PLEKHG4B: variants seen among roughly 807,000 people sequenced by gnomAD.
PLEKHG4B encodes pleckstrin homology and RhoGEF domain containing G4B.
A neutral mutation model predicts 121.3 loss-of-function variants in PLEKHG4B; 111 were observed. That is an observed-to-expected ratio of 0.92 (90% CI 0.78 to 1.07). PLEKHG4B has a LOEUF of 1.07. PLEKHG4B is among the 50% of genes least tolerant of loss of function. The pLI is 0.00. For synonymous variants in PLEKHG4B, 738 were observed against 725.0 expected, an observed-to-expected ratio of 1.02 and a Z score of -0.29; for missense variants, 1,831 against 1,757.8, an observed-to-expected ratio of 1.04 and a Z score of -0.74.
intron 1 of PLEKHG4B, among the ~76,000 whole-genome samples, chr5:98,627 G>T (rs1320378264): frequency 6.9e-6 from 1 of 145,980 alleles, no homozygotes; most frequent in Non-Finnish European, 1.5e-5. Flanking sequence ...GTGTGTGTGT[G>T]TGTGTGTGTG....
chr5:143,381 G>T lies in PLEKHG4B; in HGVS notation c.1689G>T (p.Gly563=). 6.2e-7 allele frequency: 1 copy of T among 1,612,264 alleles called. No homozygotes were observed. The highest frequency in any genetic ancestry group is 8.5e-7 in the Non-Finnish European group (1 of 1,179,720). Residue 563 remains glycine (G), a splice_region_variant and synonymous_variant, in exon 5 of 20, where the codon GGG becomes GGT. Transcript: ENST00000637938. The stretch of plus-strand genomic sequence containing the variant: ...GCTGCCCTGTCTCTGTCTCCGCAGG[G>T]ACCCGAGACCGTCATGGCAGAGCAG... ...LLQSGVVTLP[G]TRDRHGRAVV...
intron 3 of PLEKHG4B, among the ~76,000 whole-genome samples, chr5:142,198 A>G (rs1323448890): frequency 1.3e-5 from 2 of 152,100 alleles, no homozygotes. Context: ...AAGAAGTCCT[A>G]ACCCCTCCCC....
intron 2 of PLEKHG4B, among the ~76,000 whole-genome samples, chr5:122,435 T>C (rs2126370258): frequency 6.8e-6 from 1 of 147,546 alleles, no homozygotes; most frequent in East Asian, 1.9e-4. Flanking sequence ...ATTTATTTAT[T>C]TTTAGATGGA....
In PLEKHG4B at chr5:140,455, G is replaced by A. The variant is rs534089227; in HGVS notation, c.1216G>A (p.Gly406Arg). Residue 406 changes from glycine (G) to arginine (R), a missense_variant, in exon 3 of 20, where the codon GGA becomes AGA. By Grantham distance (125) the Gly-to-Arg change is moderately radical. Transcript: ENST00000637938. ...GTQEETSGPRGDPQQTPSLEK... is the reference protein window; with the variant it reads ...GTQEETSGPRRDPQQTPSLEK... ...CCAGGAGGAAACCTCTGGCCCCCGG[G>A]GAGACCCCCAACAGACCCCAAGTCT... is the stretch of plus-strand genomic sequence containing the variant. The A allele has an allele frequency of 1.4e-5, 22 of 1,584,626 alleles. No individual in the cohort carries two copies. In the East Asian group the frequency reaches 3.2e-4, roughly 23 times the overall value.
chr5:142,449 A>G (rs1424482209), intron 3 of PLEKHG4B, among the ~76,000 whole-genome samples: 1 of 151,958 alleles, frequency 6.6e-6, no homozygotes, highest in African/African-American at 2.4e-5. Context: ...CACCAGTCAC[A>G]TGCTTCACAC....
In PLEKHG4B at chr5:140,477, G is replaced by A. The variant is rs1020626909; in HGVS notation, c.1238G>A (p.Ser413Asn). Residue 413 changes from serine (S) to asparagine (N), a missense_variant, in exon 3 of 20, where the codon AGT (serine) becomes AAT (asparagine). By Grantham distance (46) the Ser-to-Asn change is conservative. Transcript: ENST00000637938. Reference protein sequence around the residue: ...GPRGDPQQTPSLEKERHTPSR... With the variant: ...GPRGDPQQTPNLEKERHTPSR... ...CGGGGAGACCCCCAACAGACCCCAA[G>A]TCTAGAGAAGGAGAGGCACACACCC... 1 of 1,593,110 alleles carries A rather than the reference G, an allele frequency of 6.3e-7. No homozygotes were observed. The highest frequency in any genetic ancestry group is 8.5e-7 in the Non-Finnish European group (1 of 1,170,242).
In PLEKHG4B at chr5:137,132, G is replaced by A. The variant is rs909042044; in HGVS notation, c.244-2351G>A. Among the ~76,000 whole-genome samples, 15 of 152,236 alleles carry A rather than the reference G, an allele frequency of 9.9e-5. No individual in the cohort carries two copies. The highest frequency in any genetic ancestry group is 2.1e-4 in the Non-Finnish European group (14 of 68,040). On this transcript the variant is annotated intron_variant, in intron 2 of 19. Transcript: ENST00000637938. The surrounding 1 kb of genome is among the most constrained non-coding windows in gnomAD (Gnocchi z 4.2). ...GCCACATGTGGCATGGATAGACCTT[G>A]AGGATACTGTGCCAATGGATAGGAG...
intron 1 of PLEKHG4B, among the ~76,000 whole-genome samples, chr5:106,671 TC>T (rs1196473767): frequency 6.6e-6 from 1 of 152,130 alleles, no homozygotes; most frequent in African/African-American, 2.4e-5. Context: ...TACGAGTGGC[TC>T]CCCCTGCAGC....
rs1177916925 is a variant in PLEKHG4B, at chr5:163,054, C to T, written c.2982C>T (p.Pro994=). The change falls in exon 13 of 20, where the codon CCC becomes CCT. Residue 994 remains proline (P), a synonymous_variant. Coordinates refer to ENST00000637938, the MANE Select transcript of PLEKHG4B (RefSeq NM_052909.5). ...MRRHQKPPSF[P]STDSGGGAWE... is the part of the protein sequence containing the mutation. ...GGCACCAGAAGCCACCCTCATTCCCCAGCACGGACAGTGGGGGTGGTGCCT... is the reference window on the plus strand; with the variant it reads ...GGCACCAGAAGCCACCCTCATTCCCTAGCACGGACAGTGGGGGTGGTGCCT... The T allele has an allele frequency of 9.0e-6, 14 of 1,559,606 alleles. No individual in the cohort carries two copies. The highest frequency in any genetic ancestry group is 1.2e-5 in the South Asian group (1 of 85,182).
intron 2 of PLEKHG4B, among the ~76,000 whole-genome samples, chr5:129,169 G>C (rs897045359): frequency 6.6e-6 from 1 of 152,142 alleles, no homozygotes; most frequent in African/African-American, 2.4e-5. Context: ...TCCCTTTCTA[G>C]GTCTTCTCCT....
At position 182,366 on chromosome 5, in the gene PLEKHG4B, A is replaced by T; in HGVS notation, c.*43A>T. On this transcript the variant is annotated 3_prime_UTR_variant, in exon 20 of 20. Coordinates refer to ENST00000637938, the MANE Select transcript of PLEKHG4B (RefSeq NM_052909.5). ...GTGCCCATCATGTGGCTAGAACAAT[A>T]CAGAGGGAGCAGCACGCCAGGCCTG... The T allele has an allele frequency of 6.5e-7, 1 of 1,530,214 alleles. No individual in the cohort carries two copies. Among genetic ancestry groups the T allele is most frequent in the Non-Finnish European group, 8.8e-7 (1 of 1,138,182 alleles). 94.8% of individuals were successfully genotyped at this position (1,530,214 alleles called of 1,614,324 possible).
Position 128,757 on chromosome 5 carries a change from A to G in PLEKHG4B, c.244-10726A>G, listed in dbSNP as rs116234642. Among the ~76,000 whole-genome samples the G allele has an allele frequency of 8.4e-3, 1,276 of 152,274 alleles. 23 individuals carry two copies. Among genetic ancestry groups the G allele is most frequent in the African/African-American group, 0.029 (1,210 of 41,554 alleles). On this transcript the variant is annotated intron_variant, in intron 2 of 19. Transcript: ENST00000637938. ...GACTGCTGGTGCCTCCTACTCCACC[A>G]TCTTCCCAGAATCCTCCTCACAACT...
chr5:163,661 T>C lies in PLEKHG4B; in HGVS notation c.3476+113T>C, dbSNP rs1053609567. 16 of 858,594 alleles carry C rather than the reference T, an allele frequency of 1.9e-5. No homozygotes were observed. In the East Asian group the frequency reaches 4.3e-4, roughly 23 times the overall value. 53.2% of individuals were successfully genotyped at this position (858,594 alleles called of 1,614,324 possible). On this transcript the variant is annotated intron_variant, in intron 13 of 19. Transcript: ENST00000637938. The stretch of plus-strand genomic sequence containing the variant: ...AAAGTAGAAAGTAAATCCGCAGACA[T>C]CCCTCTGGGTCCACCTGTCCGGTCT...
In PLEKHG4B at chr5:128,984, C is replaced by T. The variant is rs141800461; in HGVS notation, c.244-10499C>T. Among the ~76,000 whole-genome samples the T allele has an allele frequency of 1.5e-4, 23 of 152,212 alleles. No homozygotes were observed. In the East Asian group the frequency reaches 1.9e-3, roughly 13 times the overall value. On this transcript the variant is annotated intron_variant, in intron 2 of 19. Coordinates refer to ENST00000637938, the MANE Select transcript of PLEKHG4B (RefSeq NM_052909.5). ...ATTAAAATAGAGACCAAAAGACTGA[C>T]GAAACAGATTCCGTAGCAATAAGAT...
At chr5:155,660 C>T (rs1267700487) in intron 9 of PLEKHG4B, among the ~76,000 whole-genome samples, 2 of 152,210 alleles carry the variant, frequency 1.3e-5, no homozygotes, top group Non-Finnish European at 2.9e-5. Flanking sequence ...GAAAACCGTG[C>T]CACAGCATTT....
In PLEKHG4B at chr5:183,020, T is replaced by C. The variant is rs1733469956; in HGVS notation, c.*697T>C. 2 of 152,192 alleles carry C rather than the reference T, an allele frequency of 1.3e-5. No individual in the cohort carries two copies. Among genetic ancestry groups the C allele is most frequent in the African/African-American group, 4.8e-5 (2 of 41,348 alleles). The allele number at this position is 152,192 out of a possible 1,614,324, so 9.4% of individuals were successfully genotyped here. The stretch of plus-strand genomic sequence containing the variant: ...CCAGCCAGACTAGGGAAACTCTCAA[T>C]AGATCAATTCCTGATACTCATGTGG... On this transcript the variant is annotated 3_prime_UTR_variant, in exon 20 of 20. Coordinates refer to ENST00000637938, the MANE Select transcript of PLEKHG4B (RefSeq NM_052909.5).
intron 6 of PLEKHG4B, among the ~76,000 whole-genome samples, chr5:147,560 G>A (rs1276531940): frequency 6.6e-6 from 1 of 152,210 alleles, no homozygotes; most frequent in Non-Finnish European, 1.5e-5. Flanking sequence ...TATTGTTAGT[G>A]TTCACCAAAA....
At chr5:162,079 C>A in intron 12 of PLEKHG4B, 135 bp downstream of exon 12, 1 of 1,162,186 alleles carries the variant, frequency 8.6e-7, no homozygotes, top group Non-Finnish European at 1.2e-6. Context: ...TGGAGCCCCC[C>A]TGGCCACTGC....
intron 1 of PLEKHG4B, among the ~76,000 whole-genome samples, chr5:104,643 G>A (rs1279525077): frequency 6.6e-6 from 1 of 152,164 alleles, no homozygotes; most frequent in Non-Finnish European, 1.5e-5. Context: ...CAGTATACAA[G>A]GTAATTTTGA....
Sources: allele counts gnomAD v4.1 joint callset (sites outside exome capture counted in the v4.1 genomes callset), GRCh38; gene constraint gnomAD v4.1.1; non-coding constraint Gnocchi (gnomAD v3.1); transcripts MANE v1.5; gene names NCBI Gene and HGNC (gene_info 2026-07-23, HGNC 2026-07-21).